TEKTIP1: variants seen among roughly 807,000 people sequenced by gnomAD.
TEKTIP1 encodes the protein tektin bundle interacting protein 1.
the TEKTIP1 span, chr19:3,542,972 G>C: frequency 6.4e-7 from 1 of 1,555,220 alleles, no homozygotes; most frequent in Non-Finnish European, 8.8e-7. Flanking sequence ...CTCCAGGCAA[G>C]AAAAGCTGAG....
the TEKTIP1 span, chr19:3,543,730 A>C: frequency 6.7e-7 from 1 of 1,495,522 alleles, no homozygotes; most frequent in Non-Finnish European, 9.0e-7. Context: ...GGACAAGGCC[A>C]CCTAGGCCAG....
chr19:3,539,556 CCTGTGCG>C, the TEKTIP1 span: 1 of 445,534 alleles, frequency 2.2e-6, no homozygotes, highest in Non-Finnish European at 4.1e-6. Context: ...GAAATCCAGG[CCTGTGCG>C]GGGCTGGGCC....
chr19:3,543,412 C>T, the TEKTIP1 span: 1 of 1,548,172 alleles, frequency 6.5e-7, no homozygotes. Flanking sequence ...CCAGCCCCTT[C>T]CGCGAGGCCT....
At chr19:3,544,022 C>A in the TEKTIP1 span, 1 of 1,525,562 alleles carries the variant, frequency 6.6e-7, no homozygotes. Context: ...GGCATGCTAC[C>A]AGGATGCACC....
the TEKTIP1 span, chr19:3,542,157 A>G: frequency 4.1e-6 from 4 of 985,282 alleles, no homozygotes; most frequent in South Asian, 1.9e-4. Context: ...TGTGTCTTGC[A>G]ATTCATTTCA....
the TEKTIP1 span, chr19:3,542,731 C>G: frequency 2.3e-6 from 3 of 1,318,226 alleles, no homozygotes; most frequent in Non-Finnish European, 3.0e-6. Flanking sequence ...GATCCACCTG[C>G]CTCAGCCTCC....
At chr19:3,541,378 A>T in the TEKTIP1 span, among the ~76,000 whole-genome samples, 1 of 149,096 alleles carries the variant, frequency 6.7e-6, no homozygotes, top group African/African-American at 2.5e-5. Context: ...GCTGGAGTGC[A>T]GTGGAATGAT....
the TEKTIP1 span, chr19:3,543,040 G>T: frequency 3.2e-5 from 52 of 1,606,246 alleles, no homozygotes; most frequent in Admixed American, 8.7e-4. Context: ...GGGAGAGGGG[G>T]AGTCAGCCTC....
the TEKTIP1 span, chr19:3,543,293 C>T: frequency 1.9e-5 from 30 of 1,548,658 alleles, no homozygotes; most frequent in East Asian, 7.3e-5. Flanking sequence ...GCAGGCCACA[C>T]GCTGGAAGTA....
At chr19:3,542,810 A>G in the TEKTIP1 span, 3 of 1,372,224 alleles carry the variant, frequency 2.2e-6, no homozygotes, top group Non-Finnish European at 2.9e-6. Flanking sequence ...TCCCTGGGCC[A>G]TGGCTTAGTG....
chr19:3,543,700 G>A, the TEKTIP1 span: 4 of 1,508,680 alleles, frequency 2.7e-6, no homozygotes, highest in South Asian at 3.8e-5. Context: ...GGTGCAGGGT[G>A]GGTCCTTGGG....
chr19:3,543,348 G>C, the TEKTIP1 span: 14 of 1,549,372 alleles, frequency 9.0e-6, no homozygotes, highest in East Asian at 2.9e-4. Context: ...TGGTACACAG[G>C]CCTGACCAAC....
At chr19:3,539,192 G>A in the TEKTIP1 span, 5 of 1,550,346 alleles carry the variant, frequency 3.2e-6, no homozygotes, top group Non-Finnish European at 4.4e-6. Flanking sequence ...AAACCCTCAG[G>A]CAAGAGGCTG....
the TEKTIP1 span, chr19:3,541,696 G>T: frequency 1.0e-6 from 1 of 985,356 alleles, no homozygotes; most frequent in Non-Finnish European, 1.2e-6. Context: ...TAACGGGGGT[G>T]AGTGCATGTA....
At chr19:3,541,137 C>G in the TEKTIP1 span, among the ~76,000 whole-genome samples, 25,746 of 143,282 alleles carry the variant, frequency 0.18, 2,941 homozygotes, top group African/African-American at 0.31. Flanking sequence ...CCACTGCACT[C>G]CAGCCTGGGT....
At chr19:3,540,533 G>A in the TEKTIP1 span, among the ~76,000 whole-genome samples, 1 of 151,530 alleles carries the variant, frequency 6.6e-6, no homozygotes, top group African/African-American at 2.4e-5. Flanking sequence ...TGGGATTACA[G>A]GCGTGAGGCA....
At chr19:3,543,891 C>T in the TEKTIP1 span, 1 of 1,550,876 alleles carries the variant, frequency 6.4e-7, no homozygotes, top group Non-Finnish European at 8.7e-7. Context: ...CGTGCCCTCC[C>T]TGTCGGCACC....
chr19:3,539,352 C>A, the TEKTIP1 span: 3 of 700,176 alleles, frequency 4.3e-6, no homozygotes, highest in Non-Finnish European at 7.3e-6. Flanking sequence ...TGGGGTCTTG[C>A]ACGTGTCACT....
At chr19:3,543,974 G>A in the TEKTIP1 span, 1 of 1,549,270 alleles carries the variant, frequency 6.5e-7, no homozygotes, top group Middle Eastern at 1.7e-4. Context: ...CCACCTGCCA[G>A]CGGTCCCCGC....
Sources: allele counts gnomAD v4.1 joint callset (sites outside exome capture counted in the v4.1 genomes callset), GRCh38; gene constraint gnomAD v4.1.1; transcripts MANE v1.5; gene names NCBI Gene and HGNC (gene_info 2026-07-23, HGNC 2026-07-21).